The following SGPP2 variants were observed in gnomAD, a reference collection of about 807,000 sequenced individuals.
The protein encoded by SGPP2 is sphingosine-1-phosphate phosphatase 2, also known as sphingosine 1-phosphate phosphohydrolase 2.
Under a neutral mutation model 33.9 loss-of-function variants are expected in SGPP2, and 30 were observed. The observed-to-expected ratio is 0.89, with a 90% CI of 0.66 to 1.20. The LOEUF (loss-of-function observed/expected upper bound fraction) is 1.20, where lower values mean the gene tolerates loss of function less well. SGPP2 is among the 50% of genes most tolerant of loss of function. The probability of loss-of-function intolerance (pLI) is 0.00; values close to 1 mark genes in which losing one functional copy is unlikely to be tolerated. For synonymous variants in SGPP2, 233 were observed against 225.0 expected (o/e 1.04, Z -0.32); for missense variants, 458 against 532.1 (o/e 0.86, Z 1.37).
At chr2:222,544,488 T>C (rs1380358154) in intron 4 of SGPP2, among the ~76,000 whole-genome samples, 2 of 152,212 alleles carry the variant, frequency 1.3e-5, no homozygotes, top group Non-Finnish European at 2.9e-5. Context: ...TTCCCTTATA[T>C]AAAATATCAT....
intron 4 of SGPP2, among the ~76,000 whole-genome samples, chr2:222,537,250 CA>C (rs1698929394): frequency 6.6e-6 from 1 of 152,076 alleles, no homozygotes; most frequent in African/African-American, 2.4e-5. Context: ...GAATAATCCA[CA>C]AAAGAAAAGA....
chr2:222,529,642 A>G (rs929979036), intron 4 of SGPP2, among the ~76,000 whole-genome samples: 6 of 152,150 alleles, frequency 3.9e-5, no homozygotes, highest in African/African-American at 1.4e-4. Flanking sequence ...GCCTCTTGCT[A>G]TTTTAATCAT....
chr2:222,438,437 A>T (rs1016833390), intron 1 of SGPP2, among the ~76,000 whole-genome samples: 1 of 152,226 alleles, frequency 6.6e-6, no homozygotes, highest in Non-Finnish European at 1.5e-5. Context: ...TCCAAATAAG[A>T]TTATGACACA....
intron 4 of SGPP2, among the ~76,000 whole-genome samples, chr2:222,541,396 A>G (rs1698994300): frequency 6.6e-6 from 1 of 152,188 alleles, no homozygotes. Context: ...ATGGAAGGAC[A>G]GCATAGCCAG....
In SGPP2 at chr2:222,524,658, G is replaced by C. The variant is rs569038937; in HGVS notation, c.559-286G>C. On this transcript the variant is annotated intron_variant, in intron 3 of 4. Transcript: ENST00000321276. ...TCATTTCACTAAAACTGCCAGCACT[G>C]TAGTTGTGGTCATGAGTCTTAAAGC... Among the ~76,000 whole-genome samples, 5 of 152,292 alleles carry C rather than the reference G, an allele frequency of 3.3e-5. No individual in the cohort carries two copies. The South Asian group carries it at 8.3e-4, about 25-fold the overall frequency.
At chr2:222,452,612 G>A in intron 1 of SGPP2, 1 of 1,340,038 alleles carries the variant, frequency 7.5e-7, no homozygotes, top group Non-Finnish European at 1.1e-6. Context: ...AGGCCTGATT[G>A]TTCCAGAACT....
At chr2:222,521,403 T>A (rs1698683016) in intron 2 of SGPP2, among the ~76,000 whole-genome samples, 1 of 152,170 alleles carries the variant, frequency 6.6e-6, no homozygotes, top group Non-Finnish European at 1.5e-5. Flanking sequence ...TGTGCAATGG[T>A]TTACTCATCT....
chr2:222,438,830 T>C (rs571141193), intron 1 of SGPP2, among the ~76,000 whole-genome samples: 1 of 152,302 alleles, frequency 6.6e-6, no homozygotes, highest in African/African-American at 2.4e-5. Context: ...GGATGCGATA[T>C]TGGTTTTGAT....
intron 4 of SGPP2, 104 bp downstream of exon 4, chr2:222,525,137 G>A (rs1698739960): frequency 3.9e-6 from 3 of 759,740 alleles, no homozygotes; most frequent in Non-Finnish European, 6.3e-6. Context: ...ATTTGCATAT[G>A]TAATTATATT....
intron 2 of SGPP2, among the ~76,000 whole-genome samples, chr2:222,516,482 A>G (rs1329193094): frequency 6.6e-6 from 1 of 152,332 alleles, no homozygotes. Flanking sequence ...GCTGTTATGA[A>G]CATTCATATA....
chr2:222,452,978 T>C (rs1697515146), intron 1 of SGPP2: 16 of 1,585,910 alleles, frequency 1.0e-5, no homozygotes, highest in Non-Finnish European at 1.4e-5. Context: ...TATCATTGAG[T>C]ACACACAGCT....
chr2:222,549,972 G>T (rs559351828), intron 4 of SGPP2, among the ~76,000 whole-genome samples: 3 of 151,976 alleles, frequency 2.0e-5, no homozygotes, highest in Admixed American at 2.0e-4. Context: ...CACCTCCCGG[G>T]TTCAAGCAAT....
rs1697640217 is a variant in SGPP2, at chr2:222,460,353, G to A, written c.220-14215G>A. Among the ~76,000 whole-genome samples, 1 of 152,174 alleles carries A rather than the reference G, an allele frequency of 6.6e-6. No individual in the cohort carries two copies. Among genetic ancestry groups the A allele is most frequent in the Non-Finnish European group, 1.5e-5 (1 of 68,028 alleles). On this transcript the variant is annotated intron_variant, in intron 1 of 4. Coordinates refer to ENST00000321276, the MANE Select transcript of SGPP2 (RefSeq NM_152386.4). The surrounding 1 kb of genome is among the most constrained non-coding windows in gnomAD (Gnocchi z 4.3). Reference sequence around the variant, plus strand: ...CAGATGTGAGGTGGGAGCGCAGGGAGGCTCCAGTGGGGCTGCTGGGCTGTG... The same window carrying A: ...CAGATGTGAGGTGGGAGCGCAGGGAAGCTCCAGTGGGGCTGCTGGGCTGTG...
intron 1 of SGPP2, among the ~76,000 whole-genome samples, chr2:222,443,681 T>C (rs1435622584): frequency 6.6e-6 from 1 of 152,210 alleles, no homozygotes; most frequent in African/African-American, 2.4e-5. Flanking sequence ...ACCATTGGTT[T>C]TGGTGCTGTT....
At chr2:222,468,589 G>A (rs999692827) in intron 1 of SGPP2, among the ~76,000 whole-genome samples, 17 of 152,256 alleles carry the variant, frequency 1.1e-4, no homozygotes, top group Admixed American at 2.6e-4. Context: ...CTGGGCATTC[G>A]CTCCTCTGCT....
At chr2:222,466,475 G>A (rs904605179) in intron 1 of SGPP2, among the ~76,000 whole-genome samples, 2 of 151,988 alleles carry the variant, frequency 1.3e-5, no homozygotes, top group Non-Finnish European at 1.5e-5. Flanking sequence ...AGCCAGGATG[G>A]TCTCGATCTC....
chr2:222,449,210 A>G (rs1697443385), intron 1 of SGPP2, among the ~76,000 whole-genome samples: 1 of 152,140 alleles, frequency 6.6e-6, no homozygotes, highest in African/African-American at 2.4e-5. Flanking sequence ...TCTCTAAGAC[A>G]TTGAGGGTGG....
intron 4 of SGPP2, among the ~76,000 whole-genome samples, chr2:222,537,856 C>T (rs888882832): frequency 6.6e-6 from 1 of 152,170 alleles, no homozygotes; most frequent in Admixed American, 6.5e-5. Context: ...AGATATTCAG[C>T]TATCTAATAT....
chr2:222,479,330 G>A (rs564965251), intron 2 of SGPP2, among the ~76,000 whole-genome samples: 6 of 150,558 alleles, frequency 4.0e-5, no homozygotes, highest in Admixed American at 1.3e-4. Flanking sequence ...GCTTTGGTTT[G>A]TGTTCCAGCT....
Sources: allele counts gnomAD v4.1 joint callset (sites outside exome capture counted in the v4.1 genomes callset), GRCh38; gene constraint gnomAD v4.1.1; non-coding constraint Gnocchi (gnomAD v3.1); transcripts MANE v1.5; gene names NCBI Gene and HGNC (gene_info 2026-07-23, HGNC 2026-07-21).